CUBN: variants seen among roughly 807,000 people sequenced by gnomAD.
The protein encoded by CUBN is 460 kDa receptor.
In CUBN, 282 loss-of-function variants were observed where a neutral mutation model predicts 405.3. The ratio of observed to expected loss-of-function variants is 0.70; its 90% CI spans 0.63 to 0.77. The LOEUF is 0.77. Ranked by LOEUF, CUBN falls within the 30% of genes least tolerant of loss-of-function variation. CUBN has a pLI of 0.00. For missense variants in CUBN, 4,514 were observed against 4,475.2 expected, an observed-to-expected ratio of 1.01 and a Z score of -0.25; for synonymous variants, 1,684 against 1,617.0, an observed-to-expected ratio of 1.04 and a Z score of -0.99.
intron 57 of CUBN, among the ~76,000 whole-genome samples, chr10:16,875,713 A>G (rs1488742139): frequency 6.6e-6 from 1 of 152,202 alleles, no homozygotes; most frequent in African/African-American, 2.4e-5. Flanking sequence ...TCTTTGCACA[A>G]TATCAGCATT....
chr10:16,828,716 C>A, intron 66 of CUBN, 89 bp downstream of exon 66: 1 of 1,043,200 alleles, frequency 9.6e-7, no homozygotes, highest in South Asian at 1.3e-5. Context: ...GAGCGAGATT[C>A]CATCTTAAAA....
intron 13 of CUBN, among the ~76,000 whole-genome samples, chr10:17,102,586 C>CTTG (rs1836519406): frequency 7.1e-6 from 1 of 141,372 alleles, no homozygotes; most frequent in Non-Finnish European, 1.5e-5. Flanking sequence ...CAGGCCTGGC[C>CTTG]TTGTTACTCT....
intron 22 of CUBN, among the ~76,000 whole-genome samples, chr10:17,064,754 T>G (rs1187522084): frequency 1.3e-5 from 2 of 152,188 alleles, no homozygotes. Flanking sequence ...CCTCAAAGAC[T>G]GTGCCTGCAA....
At chr10:17,000,759 A>T (rs1833855439) in intron 28 of CUBN, among the ~76,000 whole-genome samples, 1 of 152,170 alleles carries the variant, frequency 6.6e-6, no homozygotes, top group Non-Finnish European at 1.5e-5. Flanking sequence ...TGCTTAGTGG[A>T]TGTGTAAGTT....
chr10:16,890,777 T>A (rs967405775), intron 54 of CUBN, among the ~76,000 whole-genome samples: 1 of 152,152 alleles, frequency 6.6e-6, no homozygotes, highest in Non-Finnish European at 1.5e-5. Flanking sequence ...GGTGATTTTT[T>A]AAAAATCCAC....
At chr10:16,984,473 A>G (rs1214243481) in intron 29 of CUBN, among the ~76,000 whole-genome samples, 194 bp from the exon 30 acceptor site, 1 of 152,286 alleles carries the variant, frequency 6.6e-6, no homozygotes, top group Middle Eastern at 3.4e-3. Flanking sequence ...TTAGGAACAC[A>G]CAAGTTCAAT....
intron 31 of CUBN, among the ~76,000 whole-genome samples, chr10:16,980,063 T>C (rs1387660194): frequency 6.6e-6 from 1 of 152,162 alleles, no homozygotes; most frequent in Non-Finnish European, 1.5e-5. Flanking sequence ...AGAAGACATT[T>C]ATGCAGCCAA....
At chr10:16,876,274 G>A (rs1158970323) in intron 57 of CUBN, among the ~76,000 whole-genome samples, 2 of 152,168 alleles carry the variant, frequency 1.3e-5, no homozygotes, top group African/African-American at 4.8e-5. Flanking sequence ...CCAGGCAGGA[G>A]GGGAAAAGAC....
At chr10:16,886,646 T>C (rs914990039) in intron 56 of CUBN, among the ~76,000 whole-genome samples, 1 of 151,986 alleles carries the variant, frequency 6.6e-6, no homozygotes, top group Non-Finnish European at 1.5e-5. Flanking sequence ...GCCCATTCCC[T>C]AGAGTGGGAG....
At chr10:17,064,579 T>A (rs1835571093) in intron 22 of CUBN, among the ~76,000 whole-genome samples, 2 of 152,152 alleles carry the variant, frequency 1.3e-5, no homozygotes, top group African/African-American at 4.8e-5. Flanking sequence ...TATGGGTCTA[T>A]GCTGGATGTT....
At chr10:17,028,572 T>A (rs1834724177) in intron 27 of CUBN, among the ~76,000 whole-genome samples, 1 of 151,606 alleles carries the variant, frequency 6.6e-6, no homozygotes, top group Non-Finnish European at 1.5e-5. Context: ...AATACAAAAA[T>A]TCGCCAGGCG....
Position 16,948,909 on chromosome 10 carries a change from C to T in CUBN, c.5081-303G>A, listed in dbSNP as rs11814420. 0.51 allele frequency among the ~76,000 whole-genome samples: 77,103 copies of T among 151,938 alleles called. 19,794 individuals carry two copies. The highest frequency in any genetic ancestry group is 0.53 in the Non-Finnish European group (36,300 of 67,922). ...CTAAAGCAAAAATCTCCAGCCCAGTCGGACCCATACAAATAAATGCACTAA... is the reference window on the plus strand; with the variant it reads ...CTAAAGCAAAAATCTCCAGCCCAGTTGGACCCATACAAATAAATGCACTAA... On this transcript the variant is annotated intron_variant, in intron 34 of 66. Coordinates refer to ENST00000377833, the MANE Select transcript of CUBN (RefSeq NM_001081.4).
chr10:16,842,391 T>G (rs1455958733), intron 60 of CUBN, among the ~76,000 whole-genome samples: 1 of 152,126 alleles, frequency 6.6e-6, no homozygotes, highest in East Asian at 1.9e-4. Flanking sequence ...TCAATAAATA[T>G]CTAATAAATA....
intron 43 of CUBN, 31 bp from the exon 44 acceptor site, chr10:16,920,168 G>T: frequency 1.2e-6 from 2 of 1,610,882 alleles, no homozygotes; most frequent in Non-Finnish European, 1.7e-6. Context: ...ATCAGTCTAT[G>T]ATCTGGTGAA....
At chr10:17,088,420 C>A in intron 14 of CUBN, 75 bp from the exon 15 acceptor site, 1 of 1,244,404 alleles carries the variant, frequency 8.0e-7, no homozygotes, top group Non-Finnish European at 1.2e-6. Context: ...GAGCCCTTGG[C>A]GTAAGAAGCC....
At chr10:16,825,379 C>T (rs1838744832) in intron 66 of CUBN, among the ~76,000 whole-genome samples, 1 of 152,006 alleles carries the variant, frequency 6.6e-6, no homozygotes, top group African/African-American at 2.4e-5. Flanking sequence ...CCGCACAGCT[C>T]TGTGAACCTA....
chr10:16,826,294 A>ACATTTACATG (rs6143801), intron 66 of CUBN, among the ~76,000 whole-genome samples: 26,560 of 151,964 alleles, frequency 0.17, 2,497 homozygotes, highest in African/African-American at 0.24. Flanking sequence ...AGTTTAACAA[A>ACATTTACATG]CATATTTACA....
intron 17 of CUBN, among the ~76,000 whole-genome samples, chr10:17,076,697 G>C (rs1835862804): frequency 6.6e-6 from 1 of 152,160 alleles, no homozygotes; most frequent in South Asian, 2.1e-4. Context: ...AACAGAGTGT[G>C]AGCAAAAGTG....
At chr10:17,090,976 C>T (rs534588250) in intron 14 of CUBN, among the ~76,000 whole-genome samples, 1 of 151,978 alleles carries the variant, frequency 6.6e-6, no homozygotes. Context: ...GATGACACAC[C>T]CAGTACCAAT....
Sources: allele counts gnomAD v4.1 joint callset (sites outside exome capture counted in the v4.1 genomes callset), GRCh38; gene constraint gnomAD v4.1.1; transcripts MANE v1.5; gene names NCBI Gene and HGNC (gene_info 2026-07-23, HGNC 2026-07-21).